OPCML: variants seen among roughly 807,000 people sequenced by gnomAD.
The protein encoded by OPCML is opioid-binding protein/cell adhesion molecule.
OPCML carries 13 observed loss-of-function variants against 37.8 expected under a neutral mutation model. The observed-to-expected ratio is 0.34, with a 90% CI of 0.22 to 0.55. OPCML has a LOEUF of 0.55. Ranked by LOEUF, OPCML falls within the 20% of genes least tolerant of loss-of-function variation. The pLI, the probability that OPCML is intolerant of heterozygous loss-of-function variation, is 0.91. For missense variants in OPCML, 341 were observed against 435.6 expected (o/e 0.78, Z 1.93); for synonymous variants, 176 against 168.8 (o/e 1.04, Z -0.33).
chr11:132,723,675 A>G (rs890044192), intron 2 of OPCML, among the ~76,000 whole-genome samples: 1 of 152,150 alleles, frequency 6.6e-6, no homozygotes, highest in South Asian at 2.1e-4. Context: ...CTCATTGCCC[A>G]CTTCCTGAGG....
chr11:133,054,394 A>T (rs1948184441), intron 1 of OPCML, among the ~76,000 whole-genome samples: 1 of 152,094 alleles, frequency 6.6e-6, no homozygotes, highest in Non-Finnish European at 1.5e-5. Context: ...GTCCCTTGTC[A>T]CTGTACCCCA....
intron 3 of OPCML, among the ~76,000 whole-genome samples, chr11:132,631,493 T>C (rs1047810029): frequency 6.6e-6 from 1 of 151,026 alleles, no homozygotes; most frequent in Non-Finnish European, 1.5e-5. Flanking sequence ...GGAGTCTGGC[T>C]CTGTCCCCCA....
chr11:132,696,222 G>A (rs554146038), intron 2 of OPCML, among the ~76,000 whole-genome samples: 1 of 152,248 alleles, frequency 6.6e-6, no homozygotes, highest in Admixed American at 6.5e-5. Flanking sequence ...CCATAAATGA[G>A]CTTAATCACA....
chr11:132,540,008 T>G (rs1301260504), intron 3 of OPCML, among the ~76,000 whole-genome samples: 2 of 152,102 alleles, frequency 1.3e-5, no homozygotes, highest in Non-Finnish European at 2.9e-5. Context: ...ATGACACATT[T>G]CCACTGGGAA....
intron 1 of OPCML, among the ~76,000 whole-genome samples, chr11:133,403,949 T>C (rs1275479379): frequency 2.0e-5 from 3 of 152,192 alleles, no homozygotes; most frequent in Admixed American, 6.5e-5. Flanking sequence ...AGTCTGCAAA[T>C]TACCATAAGT....
intron 2 of OPCML, among the ~76,000 whole-genome samples, chr11:132,818,360 C>T (rs1182422880): frequency 2.0e-5 from 3 of 151,878 alleles, no homozygotes; most frequent in Admixed American, 2.0e-4. Flanking sequence ...TGAGCAAAGT[C>T]GACTGCCCTC....
chr11:132,431,808 C>A (rs1012042974), intron 7 of OPCML, among the ~76,000 whole-genome samples: 1 of 152,176 alleles, frequency 6.6e-6, no homozygotes, highest in African/African-American at 2.4e-5. Context: ...TCAAAGAGGG[C>A]TCTCAGAAAA....
At chr11:133,294,895 C>T (rs1249292428) in intron 1 of OPCML, among the ~76,000 whole-genome samples, 1 of 142,348 alleles carries the variant, frequency 7.0e-6, no homozygotes, top group African/African-American at 2.7e-5. Flanking sequence ...GCAGTCTCGG[C>T]CCACTGCAAC....
intron 2 of OPCML, among the ~76,000 whole-genome samples, chr11:132,712,671 C>T (rs919912033): frequency 1.7e-4 from 26 of 152,198 alleles, no homozygotes; most frequent in African/African-American, 6.3e-4. Context: ...CAAGCGTGGC[C>T]TTCCAATTCA....
chr11:132,951,294 G>A (rs552959874), intron 1 of OPCML, among the ~76,000 whole-genome samples: 1 of 152,230 alleles, frequency 6.6e-6, no homozygotes, highest in South Asian at 2.1e-4. Flanking sequence ...CAGTGGCACA[G>A]CCTGCAAGTC....
rs141804200 is a variant in OPCML, at chr11:132,582,435, C to A, written c.380-53249G>T. On this transcript the variant is annotated intron_variant, in intron 3 of 7. Transcript: ENST00000524381. ...CACATAGCAAAAAAGTTTAAATAAT[C>A]CCAGTGATGCAAACAACAGCAACAA... Among the ~76,000 whole-genome samples the A allele has an allele frequency of 5.6e-3, 855 of 152,084 alleles. 2 individuals carry two copies. The highest frequency in any genetic ancestry group is 0.024 in the Middle Eastern group (7 of 294).
At chr11:133,048,422 T>A (rs937594861) in intron 1 of OPCML, among the ~76,000 whole-genome samples, 1 of 152,060 alleles carries the variant, frequency 6.6e-6, no homozygotes, top group South Asian at 2.1e-4. Context: ...GAGAGACGCC[T>A]AAAACCCCGT....
chr11:132,806,579 C>A (rs1486099166), intron 2 of OPCML, among the ~76,000 whole-genome samples: 2 of 152,130 alleles, frequency 1.3e-5, no homozygotes, highest in Non-Finnish European at 2.9e-5. Context: ...ATGTATTCAC[C>A]TAGTAACAGA....
At chr11:132,669,249 C>T (rs1176350844) in intron 2 of OPCML, among the ~76,000 whole-genome samples, 1 of 151,776 alleles carries the variant, frequency 6.6e-6, no homozygotes, top group Admixed American at 6.6e-5. Flanking sequence ...TGAGGCATTC[C>T]TGAAGTCAGA....
chr11:132,769,934 T>C (rs1946582131), intron 2 of OPCML, among the ~76,000 whole-genome samples: 1 of 152,090 alleles, frequency 6.6e-6, no homozygotes, highest in Admixed American at 6.5e-5. Context: ...TTTGAAGATG[T>C]TCACACAGGC....
intron 1 of OPCML, among the ~76,000 whole-genome samples, chr11:133,141,024 C>CGAAGAAGAA (rs1491570657): frequency 1.1e-4 from 1 of 8,698 alleles, no homozygotes; most frequent in African/African-American, 2.4e-4. Flanking sequence ...ACGACGACGA[C>CGAAGAAGAA]GACGACGACG....
intron 1 of OPCML, among the ~76,000 whole-genome samples, chr11:133,454,329 C>A (rs1003304962): frequency 1.3e-5 from 2 of 152,164 alleles, no homozygotes; most frequent in Non-Finnish European, 2.9e-5. Context: ...TATTAAAGAC[C>A]AGTCTGTCAC....
At chr11:133,077,461 G>C (rs1457933845) in intron 1 of OPCML, among the ~76,000 whole-genome samples, 1 of 152,082 alleles carries the variant, frequency 6.6e-6, no homozygotes, top group Non-Finnish European at 1.5e-5. Flanking sequence ...TTTTAAGACT[G>C]TAATGTGAAA....
At chr11:132,806,328 G>C (rs1565877504) in intron 2 of OPCML, among the ~76,000 whole-genome samples, 1 of 152,058 alleles carries the variant, frequency 6.6e-6, no homozygotes, top group African/African-American at 2.4e-5. Context: ...TAACAGACTG[G>C]ATAGAAAAAC....
Sources: gnomAD v4.1 joint callset for allele counts (sites outside exome capture counted in the v4.1 genomes callset) on GRCh38, gnomAD v4.1.1 for gene constraint, MANE v1.5 for transcripts, NCBI Gene and HGNC (gene_info 2026-07-23, HGNC 2026-07-21) for gene names.